The following HIRA variants were observed in gnomAD, a reference collection of about 807,000 sequenced individuals.
HIRA encodes the protein protein HIRA.
Under a neutral mutation model 126.6 loss-of-function variants are expected in HIRA, and 13 were observed. The observed-to-expected ratio is 0.10, with a 90% CI of 0.07 to 0.16. The LOEUF (loss-of-function observed/expected upper bound fraction) is 0.16. Among genes scored for constraint, HIRA ranks in the 10% least tolerant of loss-of-function variants. The pLI is 1.00. For missense variants in HIRA, 834 were observed against 1,314.4 expected (o/e 0.63, Z 5.65); for synonymous variants, 511 against 520.0 (o/e 0.98, Z 0.24).
At chr22:19,414,563 A>C (rs1465759499) in intron 1 of HIRA, among the ~76,000 whole-genome samples, 1 of 152,240 alleles carries the variant, frequency 6.6e-6, no homozygotes, top group Admixed American at 6.5e-5. Context: ...TTTTGGAATG[A>C]AGCTTGGGAA....
rs782417290 is a variant in HIRA at position 19,356,219 on chromosome 22, G to A, written c.2455+11C>T. 1.9e-6 allele frequency: 3 copies of A among 1,612,128 alleles called. No homozygotes were observed. Among genetic ancestry groups the A allele is most frequent in the Non-Finnish European group, 1.7e-6 (2 of 1,178,170 alleles). ...CCCAAAAGAGTAGGGACAGCCTGTTGCCTGCATTACCTGCCAGGATGGAGT... is the reference window on the plus strand; with the variant it reads ...CCCAAAAGAGTAGGGACAGCCTGTTACCTGCATTACCTGCCAGGATGGAGT... On this transcript the variant is annotated intron_variant, in intron 20 of 24. Transcript: ENST00000263208.
At chr22:19,358,587 G>A (rs577558023) in intron 18 of HIRA, among the ~76,000 whole-genome samples, 4 of 152,274 alleles carry the variant, frequency 2.6e-5, no homozygotes, top group East Asian at 3.9e-4. Context: ...ACAAACAGTG[G>A]GGTCCCCTAG....
In HIRA at chr22:19,418,212, T is replaced by C. The variant is rs530639376; in HGVS notation, c.38-7434A>G. ...ATTACATACTTAAAAATGATTAAGA[T>C]AGTAAATTTTATATTGTGAATATCT... On this transcript the variant is annotated intron_variant, in intron 1 of 24. Coordinates refer to ENST00000263208, the MANE Select transcript of HIRA (RefSeq NM_003325.4). 3.0e-4 allele frequency among the ~76,000 whole-genome samples: 45 copies of C among 152,272 alleles called. No individual in the cohort carries two copies. The East Asian group carries it at 6.9e-3, about 23-fold the overall frequency.
chr22:19,339,449 A>C (rs1264841877), intron 24 of HIRA, among the ~76,000 whole-genome samples: 2 of 152,198 alleles, frequency 1.3e-5, no homozygotes, highest in Non-Finnish European at 2.9e-5. Flanking sequence ...AGCCTGGCCA[A>C]AATGCCAAAA....
At position 19,351,552 on chromosome 22, in the gene HIRA, A is replaced by C; in HGVS notation, c.2849-106T>G. The C allele has an allele frequency of 5.6e-6, 5 of 889,322 alleles. No homozygotes were observed. Among genetic ancestry groups the C allele is most frequent in the Non-Finnish European group, 8.8e-6 (5 of 570,170 alleles). 55.1% of individuals were successfully genotyped at this position (889,322 alleles called of 1,614,324 possible). On this transcript the variant is annotated intron_variant, in intron 23 of 24. Coordinates refer to ENST00000263208, the MANE Select transcript of HIRA (RefSeq NM_003325.4). The surrounding 1 kb of genome is among the most constrained non-coding windows in gnomAD (Gnocchi z 4.8). ...AAGAATATGTTGTTGTGTCTATCAA[A>C]TCAGAATAAACACATGCGTATTTTA...
At chr22:19,339,161 T>C (rs1238302995) in intron 24 of HIRA, among the ~76,000 whole-genome samples, 2 of 152,092 alleles carry the variant, frequency 1.3e-5, no homozygotes, top group Admixed American at 1.3e-4. Flanking sequence ...CCCTCAAAAC[T>C]ATACAAATAC....
At chr22:19,381,485 T>G (rs536406438) in intron 13 of HIRA, among the ~76,000 whole-genome samples, 33 of 152,332 alleles carry the variant, frequency 2.2e-4, no homozygotes, top group Middle Eastern at 3.4e-3. Flanking sequence ...TAACTGAGTT[T>G]TAAAACAACG....
intron 18 of HIRA, 124 bp downstream of exon 18, chr22:19,359,212 G>A: frequency 9.8e-7 from 1 of 1,024,808 alleles, no homozygotes; most frequent in Non-Finnish European, 1.3e-6. Flanking sequence ...GTGAAGCCTG[G>A]TGTGAGTCTC....
intron 1 of HIRA, among the ~76,000 whole-genome samples, chr22:19,421,825 C>T (rs1027416144): frequency 6.6e-6 from 1 of 152,156 alleles, no homozygotes; most frequent in Non-Finnish European, 1.5e-5. Flanking sequence ...GTACATGCCA[C>T]CACACCTGGC....
intron 4 of HIRA, among the ~76,000 whole-genome samples, chr22:19,406,891 T>G (rs914038438): frequency 2.6e-5 from 4 of 152,208 alleles, no homozygotes; most frequent in African/African-American, 9.6e-5. Flanking sequence ...TGGGCTTCCA[T>G]GTGAAATTTC....
In HIRA at chr22:19,378,119, G is replaced by A. The variant is rs117940563; in HGVS notation, c.1416-53C>T. On this transcript the variant is annotated intron_variant, in intron 13 of 24. Coordinates refer to ENST00000263208, the MANE Select transcript of HIRA (RefSeq NM_003325.4). ...CCTTGAAAGTCAGGTGCCACATCCA[G>A]TACTTTATACATTCAAATAACTTTT... 4.1e-3 allele frequency: 5,624 copies of A among 1,365,764 alleles called. 25 individuals are homozygous for A. The highest frequency in any genetic ancestry group is 4.7e-3 in the Non-Finnish European group (4,801 of 1,014,462). 84.6% of individuals were successfully genotyped at this position (1,365,764 alleles called of 1,614,324 possible). A position where few individuals can be genotyped will look rare whatever the true frequency, so the allele number is the denominator to read the frequency against.
At position 19,431,706 on chromosome 22, in the gene HIRA, G is replaced by A; in HGVS notation, c.-230C>T. The A allele has an allele frequency of 2.8e-6, 1 of 362,072 alleles. No individual in the cohort carries two copies. Among genetic ancestry groups the A allele is most frequent in the Non-Finnish European group, 4.6e-6 (1 of 215,742 alleles). The allele number at this position is 362,072 out of a possible 1,614,324, so 22.4% of individuals were successfully genotyped here. On this transcript the variant is annotated 5_prime_UTR_variant, in exon 1 of 25. Transcript: ENST00000263208. ...CCACCACAGCCGCATCCCCTGCGCC[G>A]CTCCTCCTCAGGCGGCTCCCGGGCA...
intron 14 of HIRA, among the ~76,000 whole-genome samples, chr22:19,376,459 C>G (rs761712921): frequency 6.6e-6 from 1 of 152,164 alleles, no homozygotes; most frequent in Admixed American, 6.5e-5. Context: ...CAGGCTAACA[C>G]CTTCCACTCC....
At chr22:19,370,141 C>G (rs1041263839) in intron 15 of HIRA, among the ~76,000 whole-genome samples, 1 of 151,952 alleles carries the variant, frequency 6.6e-6, no homozygotes, top group Admixed American at 6.6e-5. Flanking sequence ...ATAGTAGAGA[C>G]GGGGTTTCAC....
At position 19,393,774 on chromosome 22, in the gene HIRA, A is replaced by G. The variant is rs192654499; in HGVS notation, c.822+568T>C. 5.3e-5 allele frequency among the ~76,000 whole-genome samples: 8 copies of G among 152,328 alleles called. No homozygotes were observed. In the East Asian group the frequency reaches 1.5e-3, roughly 29 times the overall value. On this transcript the variant is annotated intron_variant, in intron 8 of 24. Transcript: ENST00000263208. Reference sequence around the variant, plus strand: ...ATCTGTTTATTTTATTTGGCTGCCCAGTGTTGAGAAAATCCTGGTTCTCAC... The same window carrying G: ...ATCTGTTTATTTTATTTGGCTGCCCGGTGTTGAGAAAATCCTGGTTCTCAC...
At chr22:19,423,037 T>G (rs969298623) in intron 1 of HIRA, among the ~76,000 whole-genome samples, 1 of 152,180 alleles carries the variant, frequency 6.6e-6, no homozygotes, top group Admixed American at 6.5e-5. Flanking sequence ...GCCTTCTCCC[T>G]CTGTCTGGTG....
At chr22:19,367,649 G>C (rs1352338575) in intron 15 of HIRA, among the ~76,000 whole-genome samples, 1 of 152,352 alleles carries the variant, frequency 6.6e-6, no homozygotes, top group Non-Finnish European at 1.5e-5. Context: ...TTACAGGTAT[G>C]AGCCACTGAG....
intron 13 of HIRA, among the ~76,000 whole-genome samples, chr22:19,380,586 C>T (rs1420845913): frequency 2.0e-5 from 3 of 152,052 alleles, no homozygotes; most frequent in Non-Finnish European, 4.4e-5. Flanking sequence ...TCGGCCATTC[C>T]TATTTATTTT....
At position 19,356,932 on chromosome 22, in the gene HIRA, G is replaced by A. The variant is rs891938404; in HGVS notation, c.2354C>T (p.Ser785Phe). Reference protein sequence around the residue: ...SPISTLHCTGSYVMALTAAAT... With the variant: ...SPISTLHCTGFYVMALTAAAT... ...TGCAGCGGTGAGCGCCATGACGTAGGAGCCTGTGCAATGCAAAGTAGAGAT... is the reference window on the plus strand; with the variant it reads ...TGCAGCGGTGAGCGCCATGACGTAGAAGCCTGTGCAATGCAAAGTAGAGAT... Residue 785 changes from serine (S) to phenylalanine (F), a missense_variant, in exon 19 of 25, where the codon TCC (serine) becomes TTC (phenylalanine). Coordinates refer to ENST00000263208, the MANE Select transcript of HIRA (RefSeq NM_003325.4). The A allele has an allele frequency of 1.2e-6, 2 of 1,613,982 alleles. No individual in the cohort carries two copies. The highest frequency in any genetic ancestry group is 2.2e-5 in the East Asian group (1 of 44,882).
Sources: gnomAD v4.1 joint callset for allele counts (sites outside exome capture counted in the v4.1 genomes callset) on GRCh38, gnomAD v4.1.1 for gene constraint, Gnocchi (gnomAD v3.1) non-coding constraint, MANE v1.5 for transcripts, NCBI Gene and HGNC (gene_info 2026-07-23, HGNC 2026-07-21) for gene names.